Variants in TBXAS1 observed in about 807,000 individuals in gnomAD.
TBXAS1 encodes thromboxane A synthase 1, also known as thromboxane-A synthase.
Under a neutral mutation model 60.7 loss-of-function variants are expected in TBXAS1, and 48 were observed. That is an observed-to-expected ratio of 0.79 (90% CI 0.63 to 1.01). The LOEUF is 1.01. Ranked by LOEUF, TBXAS1 falls within the 50% of genes least tolerant of loss-of-function variation. The probability of loss-of-function intolerance (pLI) is 0.00; values close to 1 mark genes in which losing one functional copy is unlikely to be tolerated. For missense variants in TBXAS1, 685 were observed against 686.3 expected (o/e 1.00, Z 0.02); for synonymous variants, 287 against 269.7 (o/e 1.06, Z -0.63).
At chr7:139,939,241 G>C (rs903056916) in intron 5 of TBXAS1, among the ~76,000 whole-genome samples, 3 of 151,942 alleles carry the variant, frequency 2.0e-5, no homozygotes, top group Non-Finnish European at 4.4e-5. Context: ...GCAGGCACCT[G>C]TAACCCCAGC....
intron 4 of TBXAS1, among the ~76,000 whole-genome samples, chr7:139,814,467 T>G (rs1798099763): frequency 6.6e-6 from 1 of 152,150 alleles, no homozygotes; most frequent in African/African-American, 2.4e-5. Flanking sequence ...ATCCAGTTGG[T>G]CAAGTGGACA....
At chr7:139,969,385 G>A (rs1358424834) in intron 9 of TBXAS1, among the ~76,000 whole-genome samples, 3 of 148,646 alleles carry the variant, frequency 2.0e-5, no homozygotes, top group African/African-American at 5.0e-5. Context: ...GCTGCTGTGT[G>A]AGCAAGGTTG....
At chr7:139,847,826 T>G (rs1799918476) in intron 1 of TBXAS1, among the ~76,000 whole-genome samples, 1 of 152,226 alleles carries the variant, frequency 6.6e-6, no homozygotes, top group Non-Finnish European at 1.5e-5. Context: ...GTTGTTTGTT[T>G]GTTTGTTTGT....
At chr7:139,867,595 C>A (rs1223271447) in intron 1 of TBXAS1, among the ~76,000 whole-genome samples, 1 of 152,108 alleles carries the variant, frequency 6.6e-6, no homozygotes. Context: ...CCAAGGCAGG[C>A]GGATCGCCTG....
At chr7:139,955,987 C>T (rs1809839452) in intron 7 of TBXAS1, among the ~76,000 whole-genome samples, 1 of 152,104 alleles carries the variant, frequency 6.6e-6, no homozygotes, top group East Asian at 1.9e-4. Context: ...AGACTGGAAC[C>T]CAAAGCCTTT....
chr7:139,784,011 G>GTTTTTTTTTTTT (rs11340240), intron 3 of TBXAS1, among the ~76,000 whole-genome samples: 9 of 132,064 alleles, frequency 6.8e-5, no homozygotes, highest in Non-Finnish European at 9.7e-5. Context: ...AGTTTTTTTT[G>GTTTTTTTTTTTT]TTTTTTTTTT....
intron 9 of TBXAS1, among the ~76,000 whole-genome samples, chr7:139,991,764 C>T (rs886673036): frequency 6.6e-6 from 1 of 152,158 alleles, no homozygotes; most frequent in Non-Finnish European, 1.5e-5. Context: ...AGAAGAGCAG[C>T]CCCATAGCAG....
At chr7:139,991,590 T>C (rs963479269) in intron 9 of TBXAS1, among the ~76,000 whole-genome samples, 3 of 152,048 alleles carry the variant, frequency 2.0e-5, no homozygotes, top group African/African-American at 7.2e-5. Context: ...AAATTCTTAT[T>C]AGAAAGAGTC....
rs147644225 is a variant in TBXAS1 at position 139,910,827 on chromosome 7, G to C, written c.237-398G>C. On this transcript the variant is annotated intron_variant, in intron 3 of 12. Coordinates refer to ENST00000448866, the MANE Select transcript of TBXAS1 (RefSeq NM_001061.7). The stretch of plus-strand genomic sequence containing the variant: ...CTTTTGCTAGAATTCCTATCTTTCC[G>C]TTTTGGGGAAATATGGATAACACCG... Among the ~76,000 whole-genome samples, 157 of 152,204 alleles carry C rather than the reference G, an allele frequency of 1.0e-3. 2 individuals are homozygous for C. In the East Asian group the frequency reaches 0.027, roughly 26 times the overall value.
chr7:139,786,117 A>T (rs1797187519), intron 3 of TBXAS1, among the ~76,000 whole-genome samples: 1 of 150,196 alleles, frequency 6.7e-6, no homozygotes, highest in African/African-American at 2.5e-5. Flanking sequence ...GGGAGCAATG[A>T]AAGAGGGACT....
At chr7:139,903,308 A>G (rs528113416) in intron 3 of TBXAS1, among the ~76,000 whole-genome samples, 1 of 152,176 alleles carries the variant, frequency 6.6e-6, no homozygotes, top group African/African-American at 2.4e-5. Flanking sequence ...GTATTCCACC[A>G]TACATATATA....
chr7:139,944,954 G>C (rs1808585519), intron 5 of TBXAS1, among the ~76,000 whole-genome samples: 1 of 152,208 alleles, frequency 6.6e-6, no homozygotes, highest in South Asian at 2.1e-4. Context: ...GAATGACCTA[G>C]AAGTGAATAA....
At position 140,020,163 on chromosome 7, in the gene TBXAS1, G is replaced by A. The variant is rs752629228; in HGVS notation, c.*64G>A. ...TTCAAAGAAAACCCTAAGTGTGGAT[G>A]TTCAGAATTTTGGAAAAATGTCACT... On this transcript the variant is annotated 3_prime_UTR_variant, in exon 13 of 13. Transcript: ENST00000448866. 11 of 1,554,906 alleles carry A rather than the reference G, an allele frequency of 7.1e-6. No homozygotes were observed. Among genetic ancestry groups the A allele is most frequent in the Non-Finnish European group, 8.9e-6 (10 of 1,127,344 alleles).
intron 3 of TBXAS1, among the ~76,000 whole-genome samples, chr7:139,882,936 A>C (rs538836427): frequency 1.3e-5 from 2 of 152,350 alleles, no homozygotes; most frequent in Non-Finnish European, 2.9e-5. Flanking sequence ...CATGAACACT[A>C]AGCCTGTAAG....
At chr7:139,942,182 A>G (rs781722649) in intron 5 of TBXAS1, among the ~76,000 whole-genome samples, 7 of 152,378 alleles carry the variant, frequency 4.6e-5, no homozygotes, top group Middle Eastern at 3.4e-3. Flanking sequence ...AATTACTACC[A>G]GGGAAAAGGA....
intron 4 of TBXAS1, among the ~76,000 whole-genome samples, chr7:139,799,075 CT>C (rs59263161): frequency 0.56 from 66,291 of 118,484 alleles, 18,842 homozygotes; most frequent in East Asian, 0.92. Flanking sequence ...CCATACACTG[CT>C]TTTTTTTTTT....
Position 139,988,074 on chromosome 7 carries a change from G to A in TBXAS1, c.1135-19017G>A, listed in dbSNP as rs8192852. Among the ~76,000 whole-genome samples, 10 of 152,378 alleles carry A rather than the reference G, an allele frequency of 6.6e-5. No homozygotes were observed. In the East Asian group the frequency reaches 1.9e-3, roughly 29 times the overall value. Reference sequence around the variant, plus strand: ...AGACATTGCAGTCCAGCCCAAAGAGGCCTGTCCCAGCAGGACGCCAGGGGA... The same window carrying A: ...AGACATTGCAGTCCAGCCCAAAGAGACCTGTCCCAGCAGGACGCCAGGGGA... On this transcript the variant is annotated intron_variant, in intron 9 of 12. Coordinates refer to ENST00000448866, the MANE Select transcript of TBXAS1 (RefSeq NM_001061.7).
chr7:139,989,045 TG>T (rs1446760360), intron 9 of TBXAS1, among the ~76,000 whole-genome samples: 2 of 152,276 alleles, frequency 1.3e-5, no homozygotes, highest in East Asian at 3.9e-4. Context: ...GGCAGCGCAT[TG>T]CAGGGTTAGC....
rs761419784 is a variant in TBXAS1 at position 139,961,922 on chromosome 7, C to T, written c.823C>T (p.Arg275Trp). ...TTTTTCTCCTTTTGTTCCTTAGAGG[C>T]GGAGAGACTTCCTCCAAATGGTCCT... ...LRDQQAAEER[R>W]RDFLQMVLDA... The change falls in exon 9 of 13, where the codon CGG (arginine) becomes TGG (tryptophan). Residue 275 changes from arginine to tryptophan, a missense_variant. Transcript: ENST00000448866. 3.9e-5 allele frequency: 63 copies of T among 1,614,194 alleles called. No homozygotes were observed. The highest frequency in any genetic ancestry group is 8.9e-5 in the East Asian group (4 of 44,886).
Sources: allele counts gnomAD v4.1 joint callset (sites outside exome capture counted in the v4.1 genomes callset), GRCh38; gene constraint gnomAD v4.1.1; transcripts MANE v1.5; gene names NCBI Gene and HGNC (gene_info 2026-07-23, HGNC 2026-07-21).